Variants in KLHL2 observed in about 807,000 individuals in gnomAD.
KLHL2 encodes the protein kelch-like protein 2.
Under a neutral mutation model 75.8 loss-of-function variants are expected in KLHL2, and 15 were observed. The observed-to-expected ratio is 0.20, with a 90% confidence interval of 0.13 to 0.30. KLHL2 has a LOEUF of 0.30. Among genes scored for constraint, KLHL2 ranks in the 10% least tolerant of loss-of-function variants. The pLI is 1.00. For missense variants in KLHL2, 381 were observed against 741.0 expected (o/e 0.51, Z 5.64); for synonymous variants, 214 against 251.9 (o/e 0.85, Z 1.42).
chr4:165,297,860 AC>A, intron 7 of KLHL2, 135 bp downstream of exon 7: 1 of 660,422 alleles, frequency 1.5e-6, no homozygotes, highest in Non-Finnish European at 2.8e-6. Flanking sequence ...ACAGTAAAGG[AC>A]CCCGCAGGCT....
Position 165,313,246 on chromosome 4 carries a change from T to C in KLHL2, c.1348T>C (p.Tyr450His). ...TGTGATTTTATGTGTAGGTTTGCTC[T>C]ATGCTGTAGGAGGTTATGATGGAGC... ...VGVGVVGGLL[Y>H]AVGGYDGASR... Residue 450 changes from tyrosine (Y) to histidine (H), a missense_variant, in exon 12 of 15, where the codon TAT becomes CAT. Around this residue, in one of 5 missense-constraint regions of KLHL2, gnomAD observed 168 missense variants for 370.4 expected, o/e 0.45. Coordinates refer to ENST00000226725, the MANE Select transcript of KLHL2 (RefSeq NM_007246.4). 6.2e-7 allele frequency: 1 copy of C among 1,610,590 alleles called. No individual in the cohort carries two copies. Among genetic ancestry groups the C allele is most frequent in the Non-Finnish European group, 8.5e-7 (1 of 1,178,628 alleles).
At chr4:165,305,215 C>G (rs1192994665) in intron 8 of KLHL2, among the ~76,000 whole-genome samples, 1 of 152,058 alleles carries the variant, frequency 6.6e-6, no homozygotes, top group Non-Finnish European at 1.5e-5. Flanking sequence ...TCATTTCTAT[C>G]TTCTCTCCTG....
intron 5 of KLHL2, among the ~76,000 whole-genome samples, chr4:165,268,687 G>A (rs1304330566): frequency 6.6e-6 from 1 of 152,090 alleles, no homozygotes; most frequent in Non-Finnish European, 1.5e-5. Flanking sequence ...ACAGTTTGTT[G>A]TGATTTCTGT....
chr4:165,294,476 T>C lies in KLHL2; in HGVS notation c.654+8T>C. 2 of 1,496,930 alleles carry C rather than the reference T, an allele frequency of 1.3e-6. No individual in the cohort carries two copies. The highest frequency in any genetic ancestry group is 2.3e-5 in the East Asian group (1 of 44,274). The allele number at this position is 1,496,930 out of a possible 1,614,324, so 92.7% of individuals were successfully genotyped here. ...ATTTCTTCAGAAGAGAAGGTAAGGA[T>C]ATTTTTCTTTTCCCAGTGTGCAATG... On this transcript the variant is annotated splice_region_variant and intron_variant, in intron 6 of 14. Coordinates refer to ENST00000226725, the MANE Select transcript of KLHL2 (RefSeq NM_007246.4).
intron 5 of KLHL2, among the ~76,000 whole-genome samples, chr4:165,276,037 C>T (rs1204381740): frequency 4.0e-5 from 6 of 151,630 alleles, no homozygotes; most frequent in Admixed American, 2.6e-4. Context: ...CTGAGGCAGG[C>T]GAATAACATT....
At chr4:165,256,689 T>G (rs1273937684) in intron 4 of KLHL2, among the ~76,000 whole-genome samples, 7 of 152,204 alleles carry the variant, frequency 4.6e-5, no homozygotes, top group Non-Finnish European at 5.9e-5. Flanking sequence ...TAAATAATAT[T>G]TGACCATTTA....
intron 3 of KLHL2, 70 bp downstream of exon 3, chr4:165,228,983 C>G (rs888619344): frequency 8.3e-6 from 7 of 843,760 alleles, no homozygotes; most frequent in Non-Finnish European, 1.3e-5. Context: ...ACCACATTTT[C>G]TTTTGTTATT....
chr4:165,290,838 G>T (rs527243118), intron 5 of KLHL2, among the ~76,000 whole-genome samples: 1 of 152,208 alleles, frequency 6.6e-6, no homozygotes, highest in South Asian at 2.1e-4. Flanking sequence ...GAGGTGGCAG[G>T]TGCCTGTAAT....
At chr4:165,257,647 T>C (rs1338640124) in intron 4 of KLHL2, among the ~76,000 whole-genome samples, 1 of 152,220 alleles carries the variant, frequency 6.6e-6, no homozygotes, top group East Asian at 1.9e-4. Context: ...CTGGTACATA[T>C]ACATTCCTAG....
chr4:165,254,182 A>G (rs1219809392), intron 4 of KLHL2, among the ~76,000 whole-genome samples: 2 of 152,260 alleles, frequency 1.3e-5, no homozygotes, highest in Non-Finnish European at 2.9e-5. Context: ...TTGTTCTAAT[A>G]TGATGATAGG....
intron 14 of KLHL2, chr4:165,321,175 T>C: frequency 4.5e-6 from 2 of 449,190 alleles, no homozygotes; most frequent in South Asian, 3.2e-5. Flanking sequence ...GAATTAACAG[T>C]GTATTTCCTT....
At chr4:165,235,368 T>G (rs1739252034) in intron 3 of KLHL2, among the ~76,000 whole-genome samples, 1 of 152,100 alleles carries the variant, frequency 6.6e-6, no homozygotes, top group Admixed American at 6.5e-5. Context: ...GCCTGGCTAA[T>G]TTTTGTATTT....
At chr4:165,209,248 C>T (rs1737042581) in intron 1 of KLHL2, among the ~76,000 whole-genome samples, 1 of 152,176 alleles carries the variant, frequency 6.6e-6, no homozygotes, top group African/African-American at 2.4e-5. Context: ...GGATGGTTCA[C>T]ATCAGCAGCA....
chr4:165,319,140 C>T lies in KLHL2; in HGVS notation c.1753+1171C>T, dbSNP rs1746789671. 6.6e-6 allele frequency among the ~76,000 whole-genome samples: 1 copy of T among 152,128 alleles called. No individual in the cohort carries two copies. Among genetic ancestry groups the T allele is most frequent in the Non-Finnish European group, 1.5e-5 (1 of 68,024 alleles). On this transcript the variant is annotated intron_variant, in intron 14 of 14. Coordinates refer to ENST00000226725, the MANE Select transcript of KLHL2 (RefSeq NM_007246.4). This position sits in a 1 kb window ranked among gnomAD's most constrained non-coding sequence, Gnocchi z 4.5. ...TACTATAATAATTTTATAGCCGTCTCCTGTTGCTGTATTGGTGAGCTCAGC... is the reference window on the plus strand; with the variant it reads ...TACTATAATAATTTTATAGCCGTCTTCTGTTGCTGTATTGGTGAGCTCAGC...
chr4:165,298,121 C>T (rs1349087976), intron 7 of KLHL2, among the ~76,000 whole-genome samples: 2 of 152,242 alleles, frequency 1.3e-5, no homozygotes, highest in African/African-American at 4.8e-5. Flanking sequence ...GCACCACACC[C>T]AGCCACCATT....
intron 13 of KLHL2, 37 bp downstream of exon 13, chr4:165,314,203 A>G (rs1746438001): frequency 6.4e-7 from 1 of 1,568,970 alleles, no homozygotes; most frequent in African/African-American, 1.4e-5. Flanking sequence ...CTTATGTTGA[A>G]TTTTATTTTA....
chr4:165,317,858 G>A lies in KLHL2; in HGVS notation c.1642G>A (p.Val548Ile). 6.2e-7 allele frequency: 1 copy of A among 1,613,702 alleles called. No homozygotes were observed. The highest frequency in any genetic ancestry group is 8.5e-7 in the Non-Finnish European group (1 of 1,179,688). Reference protein sequence around the residue: ...VCAVNGLLYVVGGDDGSCNLA... With the variant: ...VCAVNGLLYVIGGDDGSCNLA... ...TGCAGTTAATGGTCTGTTATATGTT[G>A]TTGGAGGGGATGATGGTTCCTGTAA... Residue 548 changes from valine to isoleucine, a missense_variant, in exon 14 of 15, where the codon GTT becomes ATT. Around this residue, in one of 5 missense-constraint regions of KLHL2, gnomAD observed 168 missense variants for 370.4 expected, o/e 0.45. Transcript: ENST00000226725.
intron 1 of KLHL2, among the ~76,000 whole-genome samples, chr4:165,212,930 G>A (rs978152727): frequency 1.3e-5 from 2 of 152,120 alleles, no homozygotes; most frequent in African/African-American, 4.8e-5. Flanking sequence ...TCTGTGCTTT[G>A]GTGTGGAATT....
chr4:165,279,122 A>G (rs765859217), intron 5 of KLHL2: 95 of 1,601,048 alleles, frequency 5.9e-5, no homozygotes, highest in Non-Finnish European at 7.7e-5. Flanking sequence ...AATAGTCCCA[A>G]AAAGAGCTCG....
Sources: allele counts gnomAD v4.1 joint callset (sites outside exome capture counted in the v4.1 genomes callset), GRCh38; gene constraint gnomAD v4.1.1; regional missense constraint gnomAD v4.1.1; non-coding constraint Gnocchi (gnomAD v3.1); transcripts MANE v1.5; gene names NCBI Gene and HGNC (gene_info 2026-07-23, HGNC 2026-07-21).